SAMD3: variants seen among roughly 807,000 people sequenced by gnomAD.
The protein encoded by SAMD3 is sterile alpha motif domain-containing protein 3.
SAMD3 carries 63 observed loss-of-function variants against 58.5 expected under a neutral mutation model. The ratio of observed to expected loss-of-function variants is 1.08; its 90% confidence interval spans 0.88 to 1.33. The LOEUF is 1.33. Among genes scored for constraint, SAMD3 ranks in the 40% most tolerant of loss-of-function variants. The probability of loss-of-function intolerance (pLI) is 0.00; values close to 1 mark genes in which losing one functional copy is unlikely to be tolerated. For missense variants in SAMD3, 604 were observed against 608.4 expected (o/e 0.99, Z 0.08); for synonymous variants, 220 against 210.3 (o/e 1.05, Z -0.40).
intron 2 of SAMD3, among the ~76,000 whole-genome samples, chr6:130,246,255 A>T (rs1773542968): frequency 6.6e-6 from 1 of 152,242 alleles, no homozygotes; most frequent in Non-Finnish European, 1.5e-5. Flanking sequence ...TTTAACTTTA[A>T]AACAGTGTAA....
chr6:130,184,483 A>G lies in SAMD3; in HGVS notation c.524T>C (p.Ile175Thr), dbSNP rs775925671. ...AGTCATGTCGGCCTGGAGAAACTCA[A>G]TGATCCTTATCCTCATGCTGTGATC... ...CPDHSMRIRI[I>T]EFLQADMTKY... The change falls in exon 6 of 12, where the codon ATT becomes ACT. Residue 175 changes from isoleucine (I) to threonine (T), a missense_variant. By Grantham distance (89) the Ile-to-Thr change is moderately conservative (BLOSUM62 -1). Transcript: ENST00000439090. 6.2e-6 allele frequency: 10 copies of G among 1,614,036 alleles called. No individual in the cohort carries two copies. Among genetic ancestry groups the G allele is most frequent in the South Asian group, 2.2e-5 (2 of 91,082 alleles).
Position 130,186,821 on chromosome 6 carries a change from A to T in SAMD3, c.384-2198T>A, listed in dbSNP as rs1283549740. Among the ~76,000 whole-genome samples the T allele has an allele frequency of 2.4e-5, 3 of 126,774 alleles. No homozygotes were observed. In the South Asian group the frequency reaches 7.6e-4, roughly 32 times the overall value. 83.2% of individuals were successfully genotyped at this position (126,774 alleles called of 152,430 possible). Reference sequence around the variant, plus strand: ...AGTCTTGCTCTGTCACCCAGGCTGGAGTGCAGTGGTGCAATCTCGGCTCAC... The same window carrying T: ...AGTCTTGCTCTGTCACCCAGGCTGGTGTGCAGTGGTGCAATCTCGGCTCAC... On this transcript the variant is annotated intron_variant, in intron 5 of 11. Transcript: ENST00000439090.
rs796707433 is a variant in SAMD3, at chr6:130,209,729, T to G, written c.270-121A>C. 5.1e-6 allele frequency: 3 copies of G among 593,430 alleles called. No homozygotes were observed. The African/African-American group carries it at 5.6e-5, about 11-fold the overall frequency. 36.8% of individuals were successfully genotyped at this position (593,430 alleles called of 1,614,324 possible). On this transcript the variant is annotated intron_variant, in intron 4 of 11. Transcript: ENST00000439090. ...TCATGGTCTGTGTCCACTTCCCAGT[T>G]CCACGTTAGACTCATGACTAAGAGA...
intron 1 of SAMD3, among the ~76,000 whole-genome samples, chr6:130,352,361 A>G (rs1777701687): frequency 6.6e-6 from 1 of 152,194 alleles, no homozygotes. Flanking sequence ...TTCTCATCAT[A>G]TATTAAAACT....
intron 8 of SAMD3, among the ~76,000 whole-genome samples, chr6:130,165,228 G>T (rs1790621382): frequency 6.6e-6 from 1 of 152,008 alleles, no homozygotes; most frequent in Non-Finnish European, 1.5e-5. Context: ...AAATTTTGAA[G>T]AAACTAATAG....
chr6:130,238,541 T>C (rs1187251282), intron 2 of SAMD3, among the ~76,000 whole-genome samples: 1 of 149,182 alleles, frequency 6.7e-6, no homozygotes, highest in Non-Finnish European at 1.5e-5. Flanking sequence ...TGAAGAATGA[T>C]CAAAAGAAAA....
rs182357881 is a variant in SAMD3 at position 130,273,648 on chromosome 6, T to A, written c.-188+39330A>T. Among the ~76,000 whole-genome samples the A allele has an allele frequency of 3.2e-3, 488 of 152,176 alleles. 11 individuals carry two copies. The highest frequency in any genetic ancestry group is 0.015 in the Admixed American group (225 of 15,256). ...CTTTATTCTCTTTCTCTTTTTCTTT[T>A]TTGTATCTTCTGTATGTATTTTTGT... On this transcript the variant is annotated intron_variant, in intron 2 of 13. Coordinates refer to the SAMD3 transcript ENST00000368134.
At chr6:130,360,360 G>T (rs895792289) in intron 1 of SAMD3, among the ~76,000 whole-genome samples, 2 of 152,188 alleles carry the variant, frequency 1.3e-5, no homozygotes, top group East Asian at 3.8e-4. Context: ...CGGCCAGGTT[G>T]AGAAATAAAG....
Position 130,184,156 on chromosome 6 carries a change from C to A in SAMD3, c.601G>T (p.Val201Phe). 1 of 1,613,986 alleles carries A rather than the reference C, an allele frequency of 6.2e-7. No homozygotes were observed. Among genetic ancestry groups the A allele is most frequent in the Non-Finnish European group, 8.5e-7 (1 of 1,179,956 alleles). The part of the protein sequence containing the change: ...YPSTQQYNDV[V>F]NALLQAHPFL... ...GGGTGGGCCTGCAGCAGGGCATTAA[C>A]CACGTCATTGTACTGCTGGGTGCTG... The change falls in exon 7 of 12, where the codon GTT (valine) becomes TTT (phenylalanine). Residue 201 changes from valine (V) to phenylalanine (F), a missense_variant. Transcript: ENST00000439090.
intron 2 of SAMD3, among the ~76,000 whole-genome samples, chr6:130,253,945 T>A (rs1200678429): frequency 1.3e-5 from 2 of 152,028 alleles, no homozygotes; most frequent in Non-Finnish European, 2.9e-5. Context: ...TGGTCTGAGG[T>A]CTGTAATTAG....
intron 2 of SAMD3, among the ~76,000 whole-genome samples, chr6:130,304,149 A>T (rs1052352187): frequency 6.6e-6 from 1 of 152,172 alleles, no homozygotes; most frequent in Non-Finnish European, 1.5e-5. Flanking sequence ...TTACACGGTT[A>T]AACAATGGTT....
intron 5 of SAMD3, among the ~76,000 whole-genome samples, chr6:130,192,661 G>A (rs1793663628): frequency 6.6e-6 from 1 of 152,154 alleles, no homozygotes; most frequent in African/African-American, 2.4e-5. Flanking sequence ...AAACAGCCAT[G>A]TTGCTCACAC....
chr6:130,215,105 A>T (rs923674805), intron 3 of SAMD3, 90 bp downstream of exon 3: 9 of 696,154 alleles, frequency 1.3e-5, no homozygotes, highest in Non-Finnish European at 2.3e-5. Context: ...GCACACAGAC[A>T]TTTGGCAACA....
intron 2 of SAMD3, among the ~76,000 whole-genome samples, chr6:130,232,232 G>A (rs931660757): frequency 1.3e-5 from 2 of 152,074 alleles, no homozygotes; most frequent in African/African-American, 4.8e-5. Context: ...GGCTGGAAAT[G>A]GAACAGTCTT....
At chr6:130,207,784 G>A (rs1432282037) in intron 5 of SAMD3, among the ~76,000 whole-genome samples, 1 of 152,202 alleles carries the variant, frequency 6.6e-6, no homozygotes, top group Non-Finnish European at 1.5e-5. Context: ...GAGTCAGTGG[G>A]CCCTAACACT....
At chr6:130,324,032 TCTTGGAA>T (rs942347211) in intron 1 of SAMD3, among the ~76,000 whole-genome samples, 4 of 152,156 alleles carry the variant, frequency 2.6e-5, no homozygotes, top group African/African-American at 9.7e-5. Flanking sequence ...GCATTTAACA[TCTTGGAA>T]CTTTTTTTTT....
chr6:130,177,285 G>A (rs977890863), intron 7 of SAMD3, among the ~76,000 whole-genome samples: 1 of 152,108 alleles, frequency 6.6e-6, no homozygotes, highest in Non-Finnish European at 1.5e-5. Flanking sequence ...CAGAGAATTC[G>A]TCAGAACAGC....
chr6:130,162,152 C>A, intron 8 of SAMD3: 1 of 651,772 alleles, frequency 1.5e-6, no homozygotes, highest in South Asian at 1.7e-5. Context: ...CTTCCTTTAC[C>A]ACACCAGTTT....
At chr6:130,242,215 T>C (rs943585392) in intron 2 of SAMD3, among the ~76,000 whole-genome samples, 1 of 152,208 alleles carries the variant, frequency 6.6e-6, no homozygotes, top group Admixed American at 6.5e-5. Context: ...TTTTTTTCTA[T>C]AAAGGGCCAA....
Sources: gnomAD v4.1 joint callset for allele counts (sites outside exome capture counted in the v4.1 genomes callset) on GRCh38, gnomAD v4.1.1 for gene constraint, MANE v1.5 for transcripts, NCBI Gene and HGNC (gene_info 2026-07-23, HGNC 2026-07-21) for gene names.